The following RSPH3 variants were observed in gnomAD, a reference collection of about 807,000 sequenced individuals.
The protein encoded by RSPH3 is radial spoke head protein 3 homolog.
A neutral mutation model predicts 43.8 loss-of-function variants in RSPH3; 21 were observed. The observed-to-expected ratio is 0.48, with a 90% CI of 0.34 to 0.69. The LOEUF is 0.69. Ranked by LOEUF, RSPH3 falls within the 30% of genes least tolerant of loss-of-function variation. The pLI is 0.01. For synonymous variants in RSPH3, 173 were observed against 179.8 expected (o/e 0.96, Z 0.30); for missense variants, 487 against 516.0 (o/e 0.94, Z 0.54).
At chr6:158,984,433 A>ACTG (rs1778145739) in intron 3 of RSPH3, among the ~76,000 whole-genome samples, 1 of 48,512 alleles carries the variant, frequency 2.1e-5, no homozygotes. Flanking sequence ...TAAAAAGTCA[A>ACTG]TTATATATAT....
At chr6:158,963,425 C>A in the RSPH3 span, among the ~76,000 whole-genome samples, 1 of 84,204 alleles carries the variant, frequency 1.2e-5, no homozygotes, top group Non-Finnish European at 2.2e-5. Flanking sequence ...TTCCCCCTTC[C>A]CTTCCCTCCC....
Position 158,981,205 on chromosome 6 carries a change from A to G in RSPH3, c.697-269T>C, listed in dbSNP as rs12190839. The stretch of plus-strand genomic sequence containing the variant: ...TTCAAGACATAATGCTTGACAGTAT[A>G]GATGGTAGCAAAAAGATAATCACCA... On this transcript the variant is annotated intron_variant, in intron 5 of 7. Coordinates refer to ENST00000367069, the MANE Select transcript of RSPH3 (RefSeq NM_031924.8). Among the ~76,000 whole-genome samples, 2,711 of 152,346 alleles carry G rather than the reference A, an allele frequency of 0.018. 34 individuals carry two copies. The highest frequency in any genetic ancestry group is 0.024 in the Middle Eastern group (7 of 294).
the RSPH3 span, among the ~76,000 whole-genome samples, chr6:158,963,967 T>C: frequency 6.6e-6 from 1 of 152,218 alleles, no homozygotes; most frequent in Non-Finnish European, 1.5e-5. Context: ...AAAAGTGATA[T>C]ACTAGAAAGT....
intron 1 of RSPH3, among the ~76,000 whole-genome samples, chr6:158,998,061 G>A (rs1033638748): frequency 6.6e-6 from 1 of 152,046 alleles, no homozygotes; most frequent in Admixed American, 6.5e-5. Context: ...CTGCATCCAT[G>A]GAGCTTGCAT....
intron 1 of RSPH3, among the ~76,000 whole-genome samples, chr6:158,997,573 A>C (rs16889326): frequency 0.13 from 20,075 of 152,122 alleles, 2,046 homozygotes; most frequent in East Asian, 0.41. Context: ...TTGTAAGATA[A>C]TACTTCCTCA....
rs1778352877 is a variant in RSPH3 at position 158,989,954 on chromosome 6, A to C, written c.205-3533T>G. Among the ~76,000 whole-genome samples, 1 of 152,168 alleles carries C rather than the reference A, an allele frequency of 6.6e-6. No homozygotes were observed. Among genetic ancestry groups the C allele is most frequent in the Admixed American group, 6.5e-5 (1 of 15,284 alleles). On this transcript the variant is annotated intron_variant, in intron 2 of 7. Coordinates refer to ENST00000367069, the MANE Select transcript of RSPH3 (RefSeq NM_031924.8). The surrounding 1 kb of genome is among the most constrained non-coding windows in gnomAD (Gnocchi z 4.3). ...TAATCGGGGTGGGCACAATCTAATC[A>C]ACTGCCAGAGTGGCTAGAATATAAG...
In RSPH3 at chr6:158,982,646, A is replaced by T. The variant is rs764544050; in HGVS notation, c.535T>A (p.Leu179Met). The T allele has an allele frequency of 6.2e-7, 1 of 1,613,978 alleles. No individual in the cohort carries two copies. The highest frequency in any genetic ancestry group is 2.2e-5 in the East Asian group (1 of 44,876). The change falls in exon 5 of 8, where the codon TTG (leucine) becomes ATG (methionine). Residue 179 changes from leucine to methionine, a missense_variant. By Grantham distance (15) the Leu-to-Met change is conservative. Coordinates refer to ENST00000367069, the MANE Select transcript of RSPH3 (RefSeq NM_031924.8). ...DLEVKPVLEV[L>M]VGKTIEQSLL... is the part of the protein sequence containing the mutation. ...GACTGCTCAATTGTCTTCCCCACCA[A>T]AACTTCTAACACTGGTTTAACTTCA... is the stretch of plus-strand genomic sequence containing the variant.
Position 158,977,345 on chromosome 6 carries a change from T to C in RSPH3, c.*193A>G. ...ACAATATAGCCTTTGAATATTCTAT[T>C]AAATAAATGAATTCAATTTAAGTTT... On this transcript the variant is annotated 3_prime_UTR_variant, in exon 8 of 8. Transcript: ENST00000367069. 4 of 539,792 alleles carry C rather than the reference T, an allele frequency of 7.4e-6. No homozygotes were observed. In the East Asian group the frequency reaches 1.2e-4, roughly 16 times the overall value. The allele number at this position is 539,792 out of a possible 1,614,324, so 33.4% of individuals were successfully genotyped here. A position where few individuals can be genotyped will look rare whatever the true frequency, so the allele number is the denominator to read the frequency against.
Position 158,989,492 on chromosome 6 carries a change from TGGC to T in RSPH3, c.205-3074_205-3072del, listed in dbSNP as rs961199687. ...AAAGGGGATACACTGGTAGTGTGAC[TGGC>T]TAGGGGTTTGTGCCCAGGGGACCGG... On this transcript the variant is annotated intron_variant, in intron 2 of 7. Transcript: ENST00000367069. The surrounding 1 kb of genome is among the most constrained non-coding windows in gnomAD (Gnocchi z 4.3). Among the ~76,000 whole-genome samples, 18 of 152,262 alleles carry T rather than the reference TGGC, an allele frequency of 1.2e-4. No homozygotes were observed. The highest frequency in any genetic ancestry group is 4.3e-4 in the African/African-American group (18 of 41,574).
At position 158,973,221 on chromosome 6, in the gene RSPH3, T is replaced by C. The variant is rs1169550077; in HGVS notation, c.*4317A>G. 2 of 152,178 alleles carry C rather than the reference T, an allele frequency of 1.3e-5. No individual in the cohort carries two copies. Among genetic ancestry groups the C allele is most frequent in the African/African-American group, 4.8e-5 (2 of 41,438 alleles). 9.4% of individuals were successfully genotyped at this position (152,178 alleles called of 1,614,324 possible). A position where few individuals can be genotyped will look rare whatever the true frequency, so the allele number is the denominator to read the frequency against. ...AACTACAGAATACATAAAAATACAT[T>C]CTGTGATTCACCTATAAACAAAAGA... On this transcript the variant is annotated 3_prime_UTR_variant, in exon 8 of 8. Transcript: ENST00000367069.
At chr6:158,970,527 C>T (rs902157042), downstream of RSPH3, among the ~76,000 whole-genome samples, 34 of 151,570 alleles carry the variant, frequency 2.2e-4, no homozygotes, top group African/African-American at 7.7e-4. Context: ...TGTAGTTTCC[C>T]GAGAATGTCA....
downstream of RSPH3, among the ~76,000 whole-genome samples, chr6:158,971,921 T>C (rs1206083185): frequency 6.6e-6 from 1 of 152,060 alleles, no homozygotes; most frequent in African/African-American, 2.4e-5. Context: ...TTAAAAGTAA[T>C]AGTAACCAGG....
At chr6:158,993,982 G>C (rs1325382067) in intron 1 of RSPH3, 56 bp from the exon 2 acceptor site, 1 of 894,616 alleles carries the variant, frequency 1.1e-6, no homozygotes, top group Non-Finnish European at 1.8e-6. Context: ...TATCTATGAA[G>C]TAACTCATTT....
At chr6:158,992,050 G>GCT (rs1244023808) in intron 2 of RSPH3, among the ~76,000 whole-genome samples, 5 of 113,816 alleles carry the variant, frequency 4.4e-5, no homozygotes, top group African/African-American at 1.6e-4. Context: ...AATGAGCACT[G>GCT]TTTTTTTTTT....
rs544274938 is a variant in RSPH3 at position 158,981,167 on chromosome 6, C to T, written c.697-231G>A. On this transcript the variant is annotated intron_variant, in intron 5 of 7. Transcript: ENST00000367069. ...ATTTAAGGTAAAACATGTCACTATT[C>T]AAGTAAAATAATTTCAAGACATAAT... 2.0e-5 allele frequency among the ~76,000 whole-genome samples: 3 copies of T among 152,170 alleles called. No individual in the cohort carries two copies. The South Asian group carries it at 6.2e-4, about 32-fold the overall frequency.
downstream of RSPH3, among the ~76,000 whole-genome samples, chr6:158,971,948 T>A (rs376759371): frequency 1.7e-4 from 26 of 152,190 alleles, no homozygotes; most frequent in African/African-American, 6.0e-4. Flanking sequence ...AGTGGGGAAG[T>A]TCCAAAACTG....
downstream of RSPH3, among the ~76,000 whole-genome samples, chr6:158,969,168 G>A (rs1012663851): frequency 4.6e-5 from 7 of 152,108 alleles, no homozygotes; most frequent in Non-Finnish European, 1.0e-4. Context: ...CAGTATGAAG[G>A]ACTCCCTTTA....
chr6:158,978,110 A>G (rs905954760), intron 7 of RSPH3, 150 bp downstream of exon 7: 9 of 638,266 alleles, frequency 1.4e-5, no homozygotes, highest in Non-Finnish European at 2.2e-5. Context: ...CAAAAATAAT[A>G]TTGAGGGTAA....
downstream of RSPH3, among the ~76,000 whole-genome samples, chr6:158,968,505 G>A (rs1777656156): frequency 6.6e-6 from 1 of 151,920 alleles, no homozygotes. Flanking sequence ...CAAAGTGTTG[G>A]GATTACAGGT....
Sources: allele counts gnomAD v4.1 joint callset (sites outside exome capture counted in the v4.1 genomes callset), GRCh38; gene constraint gnomAD v4.1.1; non-coding constraint Gnocchi (gnomAD v3.1); transcripts MANE v1.5; gene names NCBI Gene and HGNC (gene_info 2026-07-23, HGNC 2026-07-21).